KPNA6: variants seen among roughly 807,000 people sequenced by gnomAD.
KPNA6 encodes the protein karyopherin subunit alpha 6.
In KPNA6, 9 loss-of-function variants were observed where a neutral mutation model predicts 72.0. That is an observed-to-expected ratio of 0.13 (90% CI 0.08 to 0.22). The LOEUF is 0.22. KPNA6 is among the 10% of genes least tolerant of loss of function. The pLI, the probability that KPNA6 is intolerant of heterozygous loss-of-function variation, is 1.00. For missense variants in KPNA6, 374 were observed against 655.7 expected, an observed-to-expected ratio of 0.57 and a Z score of 4.69; for synonymous variants, 219 against 242.1, an observed-to-expected ratio of 0.90 and a Z score of 0.89.
chr1:32,114,454 ATAT>A (rs1557454297), intron 1 of KPNA6, among the ~76,000 whole-genome samples: 3 of 140,344 alleles, frequency 2.1e-5, no homozygotes, highest in East Asian at 2.1e-4. Context: ...AAAAAAAAAT[ATAT>A]ATATATATAT....
intron 1 of KPNA6, among the ~76,000 whole-genome samples, chr1:32,143,573 A>T (rs867398240): frequency 1.2e-4 from 16 of 129,272 alleles, no homozygotes; most frequent in Admixed American, 6.2e-4. Flanking sequence ...ATTCTGTCTT[A>T]AAAAAAAAAA....
chr1:32,137,873 G>A (rs1291766101), intron 1 of KPNA6, among the ~76,000 whole-genome samples: 10 of 152,160 alleles, frequency 6.6e-5, no homozygotes, highest in Admixed American at 6.6e-4. Flanking sequence ...AGTGGCTCAC[G>A]CCTGTAGTCC....
Position 32,132,149 on chromosome 1 carries a change from T to G in KPNA6, c.5-22439T>G, listed in dbSNP as rs554392981. Among the ~76,000 whole-genome samples, 7 of 152,018 alleles carry G rather than the reference T, an allele frequency of 4.6e-5. No individual in the cohort carries two copies. The East Asian group carries it at 7.8e-4, about 17-fold the overall frequency. ...CCATACCCGGCTAATATTTGTATTTTTAGTAGAGACAGAGTTTCACCATGT... is the reference window on the plus strand; with the variant it reads ...CCATACCCGGCTAATATTTGTATTTGTAGTAGAGACAGAGTTTCACCATGT... On this transcript the variant is annotated intron_variant, in intron 1 of 13. Coordinates refer to ENST00000373625, the MANE Select transcript of KPNA6 (RefSeq NM_012316.5).
chr1:32,145,699 A>C (rs1641918118), intron 1 of KPNA6, among the ~76,000 whole-genome samples: 1 of 152,240 alleles, frequency 6.6e-6, no homozygotes, highest in East Asian at 1.9e-4. Flanking sequence ...CACTGAATGG[A>C]CATAATATCC....
intron 12 of KPNA6, among the ~76,000 whole-genome samples, chr1:32,167,557 C>G (rs952947107): frequency 6.6e-6 from 1 of 152,038 alleles, no homozygotes; most frequent in African/African-American, 2.4e-5. Flanking sequence ...AGAAACATGA[C>G]ATGGACATCC....
intron 1 of KPNA6, among the ~76,000 whole-genome samples, chr1:32,143,547 C>T (rs1179237157): frequency 2.8e-5 from 4 of 142,534 alleles, no homozygotes; most frequent in Middle Eastern, 7.4e-3. Context: ...CACTCCAGCC[C>T]GGGTGACAGA....
rs1641533106 is a variant in KPNA6 at position 32,126,235 on chromosome 1, G to A, written c.4+18101G>A. Reference sequence around the variant, plus strand: ...TTCCAGGTAAGGAATTGTGGACCATGAATTAAGAGAAATATATAAGGAACC... The same window carrying A: ...TTCCAGGTAAGGAATTGTGGACCATAAATTAAGAGAAATATATAAGGAACC... On this transcript the variant is annotated intron_variant, in intron 1 of 13. Coordinates refer to ENST00000373625, the MANE Select transcript of KPNA6 (RefSeq NM_012316.5). Among the ~76,000 whole-genome samples the A allele has an allele frequency of 2.6e-5, 4 of 151,842 alleles. No homozygotes were observed. The South Asian group carries it at 8.3e-4, about 31-fold the overall frequency.
chr1:32,136,066 G>A (rs2123998527), intron 1 of KPNA6, among the ~76,000 whole-genome samples: 1 of 152,222 alleles, frequency 6.6e-6, no homozygotes, highest in South Asian at 2.1e-4. Flanking sequence ...CTAGTAGTCT[G>A]TAGGCCACAC....
At chr1:32,137,164 T>G (rs1317953547) in intron 1 of KPNA6, among the ~76,000 whole-genome samples, 1 of 152,112 alleles carries the variant, frequency 6.6e-6, no homozygotes, top group East Asian at 1.9e-4. Flanking sequence ...TTTACTGCAT[T>G]CATCTTCCCC....
intron 4 of KPNA6, among the ~76,000 whole-genome samples, chr1:32,157,673 A>C (rs558203916): frequency 6.6e-6 from 1 of 152,194 alleles, no homozygotes; most frequent in South Asian, 2.1e-4. Flanking sequence ...CCTATGATTA[A>C]ATCCCACCTT....
At chr1:32,162,235 G>A (rs775969848) in intron 8 of KPNA6, 126 bp from the exon 9 acceptor site, 10 of 1,008,306 alleles carry the variant, frequency 9.9e-6, no homozygotes, top group East Asian at 2.4e-5. Flanking sequence ...ATGTAGTAGC[G>A]ATCCCTAGGG....
At chr1:32,132,688 G>T (rs1641659686) in intron 1 of KPNA6, among the ~76,000 whole-genome samples, 1 of 152,156 alleles carries the variant, frequency 6.6e-6, no homozygotes, top group Non-Finnish European at 1.5e-5. Context: ...CAGATCACAA[G>T]GTCAGGAGAT....
intron 1 of KPNA6, chr1:32,142,931 A>G: frequency 2.3e-6 from 3 of 1,288,354 alleles, no homozygotes; most frequent in East Asian, 5.6e-5. Context: ...GAAGCTCAGC[A>G]TGGCTCTCCT....
intron 1 of KPNA6, chr1:32,143,079 G>T (rs1641868786): frequency 1.9e-6 from 2 of 1,039,650 alleles, no homozygotes; most frequent in Admixed American, 2.3e-5. Flanking sequence ...TGTCTACTCT[G>T]TTAGTCTCAC....
At chr1:32,159,307 C>A in intron 5 of KPNA6, 93 bp from the exon 6 acceptor site, 1 of 1,367,138 alleles carries the variant, frequency 7.3e-7, no homozygotes, top group Non-Finnish European at 1.0e-6. Flanking sequence ...TTTTTAAATT[C>A]ATGGGCAGGA....
At chr1:32,117,301 T>C (rs531546245) in intron 1 of KPNA6, among the ~76,000 whole-genome samples, 1 of 151,880 alleles carries the variant, frequency 6.6e-6, no homozygotes, top group Admixed American at 6.6e-5. Context: ...GCCTCCTGAG[T>C]AGCTGGGACT....
intron 1 of KPNA6, among the ~76,000 whole-genome samples, chr1:32,111,883 T>C (rs1641248801): frequency 6.6e-6 from 1 of 152,214 alleles, no homozygotes; most frequent in Non-Finnish European, 1.5e-5. Flanking sequence ...GATTGCTTTA[T>C]TCTGACCCTC....
At chr1:32,156,816 C>T (rs1479913707) in intron 2 of KPNA6, 37 bp from the exon 3 acceptor site, 3 of 1,438,390 alleles carry the variant, frequency 2.1e-6, no homozygotes, top group Non-Finnish European at 2.9e-6. Context: ...TTCTTTGGTT[C>T]AGAGAGTACT....
In KPNA6 at chr1:32,113,462, T is replaced by A. The variant is rs145910857; in HGVS notation, c.4+5328T>A. Among the ~76,000 whole-genome samples the A allele has an allele frequency of 1.7e-3, 260 of 152,232 alleles. 3 individuals are homozygous for A. Among genetic ancestry groups the A allele is most frequent in the African/African-American group, 6.0e-3 (249 of 41,544 alleles). On this transcript the variant is annotated intron_variant, in intron 1 of 13. Transcript: ENST00000373625. ...TGTATGTATGTATATATGTTTTTTT[T>A]ATTTATTAAGACAGGGTCTCACTCT...
Sources: gnomAD v4.1 joint callset for allele counts (sites outside exome capture counted in the v4.1 genomes callset) on GRCh38, gnomAD v4.1.1 for gene constraint, MANE v1.5 for transcripts, NCBI Gene and HGNC (gene_info 2026-07-23, HGNC 2026-07-21) for gene names.